Variants in SLC35D3 observed in about 807,000 individuals in gnomAD.
SLC35D3 encodes the protein solute carrier family 35 member D3, also known as frc, fringe-like 1.
Under a neutral mutation model 20.3 loss-of-function variants are expected in SLC35D3, and 18 were observed. The observed-to-expected ratio is 0.89, with a 90% CI of 0.61 to 1.32. SLC35D3 has a LOEUF of 1.32. Ranked by LOEUF, SLC35D3 falls within the 40% of genes most tolerant of loss-of-function variation. The pLI is 0.00. For missense variants in SLC35D3, 556 were observed against 565.5 expected (o/e 0.98, Z 0.17); for synonymous variants, 313 against 263.5 (o/e 1.19, Z -1.82).
In SLC35D3 at chr6:136,924,299, C is replaced by T; in HGVS notation, c.854C>T (p.Ala285Val). ...SDVEPTSLFI[A>V]GVVVNTLGSI... is the part of the protein sequence containing the mutation. ...GTGGAGCCCACCTCTCTGTTCATTG[C>T]CGGCGTGGTGGTGAACACCCTGGGC... The change falls in exon 2 of 2, where the codon GCC (alanine) becomes GTC (valine). Residue 285 changes from alanine (A) to valine (V), a missense_variant. Ala to Val is a moderately conservative substitution (Grantham distance 64). Coordinates refer to ENST00000331858, the MANE Select transcript of SLC35D3 (RefSeq NM_001008783.3). The T allele has an allele frequency of 6.2e-7, 1 of 1,614,134 alleles. No individual in the cohort carries two copies. Among genetic ancestry groups the T allele is most frequent in the Non-Finnish European group, 8.5e-7 (1 of 1,180,040 alleles).
rs1342298901 is a variant in SLC35D3, at chr6:136,922,377, C to T, written c.-52C>T. On this transcript the variant is annotated 5_prime_UTR_variant, in exon 1 of 2. Coordinates refer to ENST00000331858, the MANE Select transcript of SLC35D3 (RefSeq NM_001008783.3). The surrounding 1 kb of genome is among the most constrained non-coding windows in gnomAD (Gnocchi z 6.8). Reference sequence around the variant, plus strand: ...CCTCACTCCGCTGCTCCCGGCTCCTCGCGCGCAGGTCGCGGAGCTCCGCCA... The same window carrying T: ...CCTCACTCCGCTGCTCCCGGCTCCTTGCGCGCAGGTCGCGGAGCTCCGCCA... 6.5e-6 allele frequency: 9 copies of T among 1,377,618 alleles called. No homozygotes were observed. Among genetic ancestry groups the T allele is most frequent in the Non-Finnish European group, 8.4e-6 (9 of 1,073,058 alleles). The allele number at this position is 1,377,618 out of a possible 1,614,324, so 85.3% of individuals were successfully genotyped here.
At position 136,924,503 on chromosome 6, in the gene SLC35D3, G is replaced by A. The variant is rs1234689260; in HGVS notation, c.1058G>A (p.Gly353Asp). Residue 353 changes from glycine (G) to aspartate (D), a missense_variant, in exon 2 of 2, where the codon GGT becomes GAT. Transcript: ENST00000331858. ...CGGTCAGAAGGTGGGGAGGCAGCAG[G>A]TGGCCCCGCTCAGGAGAGCAGGCAA... ...NGRSEGGEAA[G>D]GPAQESRQEV... 1.2e-6 allele frequency: 2 copies of A among 1,613,338 alleles called. No individual in the cohort carries two copies. The highest frequency in any genetic ancestry group is 1.7e-6 in the Non-Finnish European group (2 of 1,179,874).
In SLC35D3 at chr6:136,923,834, C is replaced by A. The variant is rs1200932160; in HGVS notation, c.440-51C>A. The stretch of plus-strand genomic sequence containing the variant: ...CCCGCCCACGCCAACCTGCTGTCTT[C>A]TCTCTTTTTCCTTCCCGCCCGGGCT... On this transcript the variant is annotated intron_variant, in intron 1 of 1. Coordinates refer to ENST00000331858, the MANE Select transcript of SLC35D3 (RefSeq NM_001008783.3). This position sits in a 1 kb window ranked among gnomAD's most constrained non-coding sequence, Gnocchi z 6.2. The A allele has an allele frequency of 6.9e-7, 1 of 1,455,894 alleles. No homozygotes were observed. Among genetic ancestry groups the A allele is most frequent in the Non-Finnish European group, 9.1e-7 (1 of 1,101,966 alleles). The allele number at this position is 1,455,894 out of a possible 1,614,324, so 90.2% of individuals were successfully genotyped here. A position where few individuals can be genotyped will look rare whatever the true frequency, so the allele number is the denominator to read the frequency against.
rs774008192 is a variant in SLC35D3 at position 136,924,770 on chromosome 6, G to A, written c.*74G>A. The A allele has an allele frequency of 7.3e-7, 1 of 1,375,926 alleles. No homozygotes were observed. Among genetic ancestry groups the A allele is most frequent in the Admixed American group, 2.4e-5 (1 of 41,294 alleles). The allele number at this position is 1,375,926 out of a possible 1,614,324, so 85.2% of individuals were successfully genotyped here. The stretch of plus-strand genomic sequence containing the variant: ...TAGAAATGACGTGTTTTAATGAGAG[G>A]CCTCCCCGTTTTATTCTTTGAGGAG... On this transcript the variant is annotated 3_prime_UTR_variant, in exon 2 of 2. Transcript: ENST00000331858.
Position 136,922,745 on chromosome 6 carries a change from T to A in SLC35D3, c.317T>A (p.Val106Asp), listed in dbSNP as rs1776080219. ...GGCCTCAGCCTGCCCATGTACGTGG[T>A]CTTCAAGCGCTGCCTGCCCCTGGTC... ...LRGLSLPMYV[V>D]FKRCLPLVTM... The change falls in exon 1 of 2, where the codon GTC becomes GAC. Residue 106 changes from valine to aspartate, a missense_variant. Physicochemically the swap from Val to Asp is radical, Grantham distance 152. Transcript: ENST00000331858. This position sits in a 1 kb window ranked among gnomAD's most constrained non-coding sequence, Gnocchi z 6.8. 2.5e-6 allele frequency: 4 copies of A among 1,573,538 alleles called. No individual in the cohort carries two copies. Among genetic ancestry groups the A allele is most frequent in the Non-Finnish European group, 3.4e-6 (4 of 1,159,934 alleles).
chr6:136,924,519 G>C lies in SLC35D3; in HGVS notation c.1074G>C (p.Glu358Asp). ...GGEAAGGPAQ[E>D]SRQEVRGSPR... ...AGGCAGCAGGTGGCCCCGCTCAGGA[G>C]AGCAGGCAAGAGGTCAGGGGCAGCC... The change falls in exon 2 of 2, where the codon GAG becomes GAC. Residue 358 changes from glutamate (E) to aspartate (D), a missense_variant. By Grantham distance (45) the Glu-to-Asp change is conservative. Transcript: ENST00000331858. The C allele has an allele frequency of 1.2e-6, 2 of 1,613,434 alleles. No individual in the cohort carries two copies. Among genetic ancestry groups the C allele is most frequent in the Non-Finnish European group, 1.7e-6 (2 of 1,179,904 alleles).
In SLC35D3 at chr6:136,922,912, C is replaced by G; in HGVS notation, c.439+45C>G. 6.8e-7 allele frequency: 1 copy of G among 1,477,928 alleles called. No individual in the cohort carries two copies. The highest frequency in any genetic ancestry group is 8.9e-7 in the Non-Finnish European group (1 of 1,121,884). The allele number at this position is 1,477,928 out of a possible 1,614,324, so 91.6% of individuals were successfully genotyped here. ...GACCCCCAGCCGACCCCACCCACCCCGCTCCGTCGGGCAGAGACCGCGGGG... is the reference window on the plus strand; with the variant it reads ...GACCCCCAGCCGACCCCACCCACCCGGCTCCGTCGGGCAGAGACCGCGGGG... On this transcript the variant is annotated intron_variant, in intron 1 of 1. Transcript: ENST00000331858. This position sits in a 1 kb window ranked among gnomAD's most constrained non-coding sequence, Gnocchi z 6.8.
chr6:136,924,190 A>G lies in SLC35D3; in HGVS notation c.745A>G (p.Ile249Val), dbSNP rs776913944. Residue 249 changes from isoleucine (I) to valine (V), a missense_variant, in exon 2 of 2, where the codon ATC becomes GTC. Physicochemically the swap from Ile to Val is conservative, Grantham distance 29 (BLOSUM62 3). Transcript: ENST00000331858. ...CTTCACCACGCTGCACTGCACCTACATCAATTCGGCCGTGACCACCAGCTT... is the reference window on the plus strand; with the variant it reads ...CTTCACCACGCTGCACTGCACCTACGTCAATTCGGCCGTGACCACCAGCTT... ...MNFTTLHCTYINSAVTTSFVG... is the reference protein window; with the variant it reads ...MNFTTLHCTYVNSAVTTSFVG... The G allele has an allele frequency of 1.2e-6, 2 of 1,613,540 alleles. No homozygotes were observed. The highest frequency in any genetic ancestry group is 1.7e-6 in the Non-Finnish European group (2 of 1,180,016).
chr6:136,925,424 A>G lies in SLC35D3; in HGVS notation c.*728A>G, dbSNP rs376224997. The G allele has an allele frequency of 6.6e-6, 1 of 152,358 alleles. No homozygotes were observed. The highest frequency in any genetic ancestry group is 2.1e-4 in the South Asian group (1 of 4,818). 9.4% of individuals were successfully genotyped at this position (152,358 alleles called of 1,614,324 possible). The stretch of plus-strand genomic sequence containing the variant: ...GAATGCCAAACCTGTTCTTTTTTTT[A>G]CTGTGTCCAATATTCTTTCAAGCAA... On this transcript the variant is annotated 3_prime_UTR_variant, in exon 2 of 2. Coordinates refer to ENST00000331858, the MANE Select transcript of SLC35D3 (RefSeq NM_001008783.3).
At position 136,922,821 on chromosome 6, in the gene SLC35D3, G is replaced by T. The variant is rs762040688; in HGVS notation, c.393G>T (p.Gly131=). 1 of 1,556,770 alleles carries T rather than the reference G, an allele frequency of 6.4e-7. No homozygotes were observed. The highest frequency in any genetic ancestry group is 1.4e-5 in the African/African-American group (1 of 73,904). The change falls in exon 1 of 2, where the codon GGG becomes GGT. Residue 131 remains glycine, a synonymous_variant. Transcript: ENST00000331858. This position sits in a 1 kb window ranked among gnomAD's most constrained non-coding sequence, Gnocchi z 6.8. ...LVLKNGAPSP[G]VLAAVLITTC... ...TCAAGAACGGCGCGCCCTCGCCAGG[G>T]GTGCTGGCGGCGGTGCTCATCACCA...
At position 136,922,768 on chromosome 6, in the gene SLC35D3, G is replaced by GTCA; in HGVS notation, c.341_343dup (p.Val114_Thr115insIle). ...GGTCTTCAAGCGCTGCCTGCCCCTG[G>GTCA]TCACCATGCTCATCGGCGTCCTGGT... On this transcript the variant is annotated inframe_insertion, in exon 1 of 2. Coordinates refer to ENST00000331858, the MANE Select transcript of SLC35D3 (RefSeq NM_001008783.3). This position sits in a 1 kb window ranked among gnomAD's most constrained non-coding sequence, Gnocchi z 6.8. 6.4e-7 allele frequency: 1 copy of GTCA among 1,566,886 alleles called. No homozygotes were observed. Among genetic ancestry groups the GTCA allele is most frequent in the Admixed American group, 1.9e-5 (1 of 52,846 alleles).
In SLC35D3 at chr6:136,922,561, C is replaced by T; in HGVS notation, c.133C>T (p.Gln45Ter). 6 of 1,612,606 alleles carry T rather than the reference C, an allele frequency of 3.7e-6. No individual in the cohort carries two copies. The highest frequency in any genetic ancestry group is 5.1e-6 in the Non-Finnish European group (6 of 1,179,742). Residue 45 changes from glutamine (Q) to a stop codon, truncating the protein, a stop_gained, in exon 1 of 2, where the codon CAG (glutamine) becomes TAG (stop). Coordinates refer to ENST00000331858, the MANE Select transcript of SLC35D3 (RefSeq NM_001008783.3). LOFTEE classifies it high-confidence loss of function. The surrounding 1 kb of genome is among the most constrained non-coding windows in gnomAD (Gnocchi z 6.8). Reference protein sequence around the residue: ...RYQFSFLTLVQCLTSSTAALS... With the variant: ...RYQFSFLTLV ...CCAGTTCTCCTTCCTGACCCTGGTGCAGTGCCTGACCAGCTCCACCGCGGC... is the reference window on the plus strand; with the variant it reads ...CCAGTTCTCCTTCCTGACCCTGGTGTAGTGCCTGACCAGCTCCACCGCGGC...
rs778666254 is a variant in SLC35D3 at position 136,923,983 on chromosome 6, G to A, written c.538G>A (p.Ala180Thr). Residue 180 changes from alanine (A) to threonine (T), a missense_variant, in exon 2 of 2, where the codon GCA becomes ACA. Physicochemically the swap from Ala to Thr is moderately conservative, Grantham distance 58. Transcript: ENST00000331858. The surrounding 1 kb of genome is among the most constrained non-coding windows in gnomAD (Gnocchi z 6.2). ...CCTGGTGCTCATCCAGAAGGCCAGC[G>A]CAGACACCGAGCACGGGCCGCTCAC... is the stretch of plus-strand genomic sequence containing the variant. ...AYLVLIQKAS[A>T]DTEHGPLTAQ... 6 of 1,583,008 alleles carry A rather than the reference G, an allele frequency of 3.8e-6. No individual in the cohort carries two copies. Among genetic ancestry groups the A allele is most frequent in the Non-Finnish European group, 5.1e-6 (6 of 1,169,708 alleles).
In SLC35D3 at chr6:136,924,874, T is replaced by C. The variant is rs780324658; in HGVS notation, c.*178T>C. 11 of 604,950 alleles carry C rather than the reference T, an allele frequency of 1.8e-5. No individual in the cohort carries two copies. Among genetic ancestry groups the C allele is most frequent in the Admixed American group, 6.9e-5 (2 of 29,138 alleles). The allele number at this position is 604,950 out of a possible 1,614,324, so 37.5% of individuals were successfully genotyped here. A position where few individuals can be genotyped will look rare whatever the true frequency, so the allele number is the denominator to read the frequency against. On this transcript the variant is annotated 3_prime_UTR_variant, in exon 2 of 2. Transcript: ENST00000331858. ...ATTAGCACCTGTGTGAATTATTTAG[T>C]GTGACTTCACCTGAGGCATCACAGA... is the stretch of plus-strand genomic sequence containing the variant.
At position 136,922,649 on chromosome 6, in the gene SLC35D3, T is replaced by C. The variant is rs761520809; in HGVS notation, c.221T>C (p.Leu74Pro). ...LIAVPPFGLS[L>P]ARSFAGVAVL... ...GCCGTGCCCCCCTTCGGTCTGAGCCTGGCGCGCTCCTTCGCGGGGGTCGCG... is the reference window on the plus strand; with the variant it reads ...GCCGTGCCCCCCTTCGGTCTGAGCCCGGCGCGCTCCTTCGCGGGGGTCGCG... The change falls in exon 1 of 2, where the codon CTG (leucine) becomes CCG (proline). Residue 74 changes from leucine to proline, a missense_variant. Leu to Pro is a moderately conservative substitution (Grantham distance 98). Coordinates refer to ENST00000331858, the MANE Select transcript of SLC35D3 (RefSeq NM_001008783.3). This position sits in a 1 kb window ranked among gnomAD's most constrained non-coding sequence, Gnocchi z 6.8. 1 of 1,609,054 alleles carries C rather than the reference T, an allele frequency of 6.2e-7. No individual in the cohort carries two copies. The highest frequency in any genetic ancestry group is 1.7e-5 in the Admixed American group (1 of 59,914).
chr6:136,923,823 C>G lies in SLC35D3; in HGVS notation c.440-62C>G, dbSNP rs1776094458. 8 of 1,432,438 alleles carry G rather than the reference C, an allele frequency of 5.6e-6. No homozygotes were observed. Among genetic ancestry groups the G allele is most frequent in the Non-Finnish European group, 7.4e-6 (8 of 1,086,678 alleles). The allele number at this position is 1,432,438 out of a possible 1,614,324, so 88.7% of individuals were successfully genotyped here. The stretch of plus-strand genomic sequence containing the variant: ...CCCCGTGGGTCCCCGCCCACGCCAA[C>G]CTGCTGTCTTCTCTCTTTTTCCTTC... On this transcript the variant is annotated intron_variant, in intron 1 of 1. Coordinates refer to ENST00000331858, the MANE Select transcript of SLC35D3 (RefSeq NM_001008783.3). This position sits in a 1 kb window ranked among gnomAD's most constrained non-coding sequence, Gnocchi z 6.2.
In SLC35D3 at chr6:136,924,353, T is replaced by C. The variant is rs1445249722; in HGVS notation, c.908T>C (p.Met303Thr). Residue 303 changes from methionine to threonine, a missense_variant, in exon 2 of 2, where the codon ATG (methionine) becomes ACG (threonine). Transcript: ENST00000331858. The part of the protein sequence containing the change: ...GSIIYCVAKF[M>T]ETRKQSNYED... ...ATCATTTACTGTGTGGCCAAGTTCA[T>C]GGAGACCAGAAAGCAAAGCAACTAC... 6.2e-7 allele frequency: 1 copy of C among 1,614,112 alleles called. No individual in the cohort carries two copies.
chr6:136,922,305 G>T lies in SLC35D3; in HGVS notation c.-124G>T. On this transcript the variant is annotated 5_prime_UTR_variant, in exon 1 of 2. Transcript: ENST00000331858. The surrounding 1 kb of genome is among the most constrained non-coding windows in gnomAD (Gnocchi z 6.8). ...CGGAGCTGCCCTCTGCAGCCGAGCC[G>T]GCGCCCCCTGCCCTTCGCCGCCGCG... 1.2e-6 allele frequency: 1 copy of T among 813,074 alleles called. No homozygotes were observed. The highest frequency in any genetic ancestry group is 6.0e-5 in the South Asian group (1 of 16,680). The allele number at this position is 813,074 out of a possible 1,614,324, so 50.4% of individuals were successfully genotyped here.
chr6:136,924,372 C>G lies in SLC35D3; in HGVS notation c.927C>G (p.Ser309Arg). ...VAKFMETRKQ[S>R]NYEDLEAQPR... ...AGTTCATGGAGACCAGAAAGCAAAG[C>G]AACTACGAGGACCTGGAGGCCCAGC... The change falls in exon 2 of 2, where the codon AGC (serine) becomes AGG (arginine). Residue 309 changes from serine (S) to arginine (R), a missense_variant. Transcript: ENST00000331858. The G allele has an allele frequency of 1.2e-6, 2 of 1,614,110 alleles. No homozygotes were observed. The highest frequency in any genetic ancestry group is 1.7e-6 in the Non-Finnish European group (2 of 1,180,036).
Sources: gnomAD v4.1 joint callset for allele counts on GRCh38, gnomAD v4.1.1 for gene constraint, Gnocchi (gnomAD v3.1) non-coding constraint, MANE v1.5 for transcripts, NCBI Gene and HGNC (gene_info 2026-07-23, HGNC 2026-07-21) for gene names.